Variants in LEKR1 observed in about 807,000 individuals in gnomAD.
LEKR1 encodes leucine, glutamate and lysine rich 1.
In LEKR1, 59 loss-of-function variants were observed where a neutral mutation model predicts 72.4. That is an observed-to-expected ratio of 0.82 (90% CI 0.66 to 1.01). The LOEUF (loss-of-function observed/expected upper bound fraction) is 1.01, where lower values mean the gene tolerates loss of function less well. Ranked by LOEUF, LEKR1 falls within the 50% of genes least tolerant of loss-of-function variation. The pLI is 0.00. For missense variants in LEKR1, 728 were observed against 759.2 expected (o/e 0.96, Z 0.48); for synonymous variants, 257 against 263.2 (o/e 0.98, Z 0.23).
chr3:157,011,066 G>C (rs1179051552), intron 9 of LEKR1, among the ~76,000 whole-genome samples: 1 of 151,994 alleles, frequency 6.6e-6, no homozygotes, highest in African/African-American at 2.4e-5. Flanking sequence ...TATACTTTTT[G>C]AACCACAACT....
chr3:156,994,575 A>G lies in LEKR1; in HGVS notation c.1109+1298A>G, dbSNP rs1044303463. Among the ~76,000 whole-genome samples, 3 of 152,246 alleles carry G rather than the reference A, an allele frequency of 2.0e-5. No homozygotes were observed. In the South Asian group the frequency reaches 6.2e-4, roughly 32 times the overall value. On this transcript the variant is annotated intron_variant, in intron 9 of 12. Coordinates refer to ENST00000356539, the MANE Select transcript of LEKR1 (RefSeq NM_001004316.3). Reference sequence around the variant, plus strand: ...GCCATTTATTAGAAGCTGCAATTTTATAACAATGAAATGTATAAGAGCCAG... The same window carrying G: ...GCCATTTATTAGAAGCTGCAATTTTGTAACAATGAAATGTATAAGAGCCAG...
At position 156,984,328 on chromosome 3, in the gene LEKR1, T is replaced by G. The variant is rs149560687; in HGVS notation, c.827+5053T>G. Among the ~76,000 whole-genome samples the G allele has an allele frequency of 1.2e-4, 18 of 152,294 alleles. No homozygotes were observed. The East Asian group carries it at 3.5e-3, about 29-fold the overall frequency. ...TTCATGTATGTGATAAGAACAAAAT[T>G]TACTTAAAATGATTTATAATCTGTC... On this transcript the variant is annotated intron_variant, in intron 7 of 12. Transcript: ENST00000356539.
At chr3:156,971,353 AG>A in intron 6 of LEKR1, among the ~76,000 whole-genome samples, 1 of 152,368 alleles carries the variant, frequency 6.6e-6, no homozygotes, top group South Asian at 2.1e-4. Context: ...GATGGATTAA[AG>A]ACTTAAATGT....
intron 9 of LEKR1, 140 bp downstream of exon 9, chr3:156,993,417 T>C (rs1731299185): frequency 8.1e-6 from 4 of 492,460 alleles, no homozygotes; most frequent in Non-Finnish European, 1.1e-5. Context: ...ACAAGGTCAT[T>C]GCATCCCACC....
intron 10 of LEKR1, among the ~76,000 whole-genome samples, chr3:157,022,021 A>G (rs1408434168): frequency 6.6e-6 from 1 of 152,198 alleles, no homozygotes; most frequent in African/African-American, 2.4e-5. Context: ...CACAGTGATC[A>G]AATGAGAAAA....
chr3:156,945,333 T>C (rs1726584313), intron 6 of LEKR1, among the ~76,000 whole-genome samples: 1 of 151,936 alleles, frequency 6.6e-6, no homozygotes, highest in African/African-American at 2.4e-5. Context: ...CCTTGTCAGA[T>C]GGATAGTTTG....
chr3:156,997,235 A>G (rs1731652624), intron 9 of LEKR1, among the ~76,000 whole-genome samples: 1 of 152,048 alleles, frequency 6.6e-6, no homozygotes, highest in Non-Finnish European at 1.5e-5. Context: ...TGATCACCTG[A>G]TTGCAGACAT....
intron 12 of LEKR1, among the ~76,000 whole-genome samples, chr3:157,032,856 C>T (rs760520275): frequency 6.6e-6 from 1 of 151,684 alleles, no homozygotes; most frequent in African/African-American, 2.4e-5. Flanking sequence ...ACCCCTATGT[C>T]GAGAAAGTCT....
chr3:156,863,022 A>G (rs187611395), intron 3 of LEKR1, among the ~76,000 whole-genome samples: 3 of 152,216 alleles, frequency 2.0e-5, no homozygotes, highest in Admixed American at 6.6e-5. Context: ...TCAAGGGTCA[A>G]AAGTTAAGTT....
chr3:156,931,524 C>T (rs374048056), intron 5 of LEKR1, among the ~76,000 whole-genome samples: 1 of 152,216 alleles, frequency 6.6e-6, no homozygotes, highest in East Asian at 1.9e-4. Flanking sequence ...AAATGTACGT[C>T]CACAAGATAC....
intron 6 of LEKR1, among the ~76,000 whole-genome samples, chr3:156,947,557 G>C (rs540632928): frequency 6.6e-6 from 1 of 150,990 alleles, no homozygotes; most frequent in Non-Finnish European, 1.5e-5. Flanking sequence ...ACAAATTTTT[G>C]ACTTTACTGT....
chr3:157,024,641 A>G (rs979068657), intron 10 of LEKR1, 119 bp from the exon 11 acceptor site: 1 of 816,074 alleles, frequency 1.2e-6, no homozygotes, highest in African/African-American at 1.8e-5. Context: ...GAATTTTTAA[A>G]ATAGTTTAAT....
At chr3:157,039,699 A>G (rs1735217466) in intron 12 of LEKR1, among the ~76,000 whole-genome samples, 1 of 152,256 alleles carries the variant, frequency 6.6e-6, no homozygotes. Flanking sequence ...TTTTAATAAT[A>G]CATGGTATTT....
At position 156,964,943 on chromosome 3, in the gene LEKR1, A is replaced by C. The variant is rs1485713488; in HGVS notation, c.746-14251A>C. Among the ~76,000 whole-genome samples the C allele has an allele frequency of 3.3e-5, 5 of 152,070 alleles. No homozygotes were observed. In the South Asian group the frequency reaches 8.3e-4, roughly 25 times the overall value. On this transcript the variant is annotated intron_variant, in intron 6 of 12. Transcript: ENST00000356539. ...TTTATTCCCTAAATGTTTTCAGCTAATATTCTGTTCATTTCATTGTAGGTC... is the reference window on the plus strand; with the variant it reads ...TTTATTCCCTAAATGTTTTCAGCTACTATTCTGTTCATTTCATTGTAGGTC...
In LEKR1 at chr3:156,931,428, TATCTG is replaced by T. The variant is rs1231301989; in HGVS notation, c.559+3826_559+3830del. Among the ~76,000 whole-genome samples the T allele has an allele frequency of 2.6e-5, 4 of 152,094 alleles. No individual in the cohort carries two copies. In the South Asian group the frequency reaches 6.2e-4, roughly 24 times the overall value. On this transcript the variant is annotated intron_variant, in intron 5 of 12. Transcript: ENST00000356539. The stretch of plus-strand genomic sequence containing the variant: ...AATTGCTACAGCCACTTAGAGAAAA[TATCTG>T]ACAGTTTCTCATTAAACTAAATATA...
At chr3:156,992,983 T>C (rs1731255469) in intron 8 of LEKR1, 91 bp from the exon 9 acceptor site, 1 of 649,500 alleles carries the variant, frequency 1.5e-6, no homozygotes, top group Middle Eastern at 4.5e-4. Context: ...TTATAATCTA[T>C]AATTTCAAAT....
At chr3:157,033,762 G>A (rs762680279) in intron 12 of LEKR1, among the ~76,000 whole-genome samples, 1 of 152,140 alleles carries the variant, frequency 6.6e-6, no homozygotes, top group Non-Finnish European at 1.5e-5. Context: ...TTGGAAGAAG[G>A]TACCATCTAG....
intron 10 of LEKR1, among the ~76,000 whole-genome samples, chr3:157,022,647 T>C (rs1733925694): frequency 6.6e-6 from 1 of 152,130 alleles, no homozygotes; most frequent in South Asian, 2.1e-4. Flanking sequence ...TGTTACAAGA[T>C]TTCTGGGCCA....
chr3:156,937,707 A>G (rs572412913), intron 5 of LEKR1, among the ~76,000 whole-genome samples: 2 of 152,328 alleles, frequency 1.3e-5, no homozygotes, highest in East Asian at 3.9e-4. Flanking sequence ...TCTCAAAAAT[A>G]CTTGTATGTA....
Sources: gnomAD v4.1 joint callset for allele counts (sites outside exome capture counted in the v4.1 genomes callset) on GRCh38, gnomAD v4.1.1 for gene constraint, MANE v1.5 for transcripts, NCBI Gene and HGNC (gene_info 2026-07-23, HGNC 2026-07-21) for gene names.